Variants in COL4A4 observed in about 807,000 individuals in gnomAD.
The protein encoded by COL4A4 is collagen alpha-4(IV) chain.
COL4A4 carries 105 observed loss-of-function variants against 192.9 expected under a neutral mutation model. The observed-to-expected ratio is 0.54, with a 90% CI of 0.46 to 0.64. The LOEUF (loss-of-function observed/expected upper bound fraction) is 0.64. Ranked by LOEUF, COL4A4 falls within the 30% of genes least tolerant of loss-of-function variation. The pLI, the probability that COL4A4 is intolerant of heterozygous loss-of-function variation, is 0.00. For missense variants in COL4A4, 1,967 were observed against 2,169.3 expected (o/e 0.91, Z 1.85); for synonymous variants, 762 against 769.9 (o/e 0.99, Z 0.17).
At chr2:227,065,887 C>T (rs2058304035) in intron 25 of COL4A4, among the ~76,000 whole-genome samples, 1 of 152,220 alleles carries the variant, frequency 6.6e-6, no homozygotes, top group Non-Finnish European at 1.5e-5. Context: ...ATCACTTTGA[C>T]GAGCTGAGAG....
At chr2:227,062,488 C>A (rs761422144) in intron 26 of COL4A4, 42 bp downstream of exon 26, 105 of 1,169,838 alleles carry the variant, frequency 9.0e-5, no homozygotes, top group Non-Finnish European at 1.9e-5. Flanking sequence ...TTTTTTTTTA[C>A]TCTGGGAAGT....
At chr2:227,148,012 T>C (rs2063663651) in intron 1 of COL4A4, among the ~76,000 whole-genome samples, 1 of 152,138 alleles carries the variant, frequency 6.6e-6, no homozygotes, top group East Asian at 1.9e-4. Flanking sequence ...ACATACATTT[T>C]TGTATATTTG....
At chr2:227,052,204 G>T in intron 32 of COL4A4, 101 bp downstream of exon 32, 1 of 730,786 alleles carries the variant, frequency 1.4e-6, no homozygotes, top group Non-Finnish European at 2.4e-6. Flanking sequence ...AAAAAAAAAA[G>T]TCTTTTCTAA....
intron 17 of COL4A4, among the ~76,000 whole-genome samples, 200 bp downstream of exon 17, chr2:227,101,304 T>C (rs185780286): frequency 9.9e-4 from 151 of 152,308 alleles, no homozygotes; most frequent in African/African-American, 3.5e-3. Flanking sequence ...CTCTTTCTTT[T>C]GTAAATTGTC....
chr2:227,162,824 A>T (rs1280132332), intron 1 of COL4A4, among the ~76,000 whole-genome samples: 1 of 152,222 alleles, frequency 6.6e-6, no homozygotes, highest in Non-Finnish European at 1.5e-5. Flanking sequence ...CCTCCCAAAG[A>T]TTCTAATGCA....
chr2:226,981,080 G>C, the COL4A4 span, among the ~76,000 whole-genome samples: 5 of 152,266 alleles, frequency 3.3e-5, no homozygotes, highest in East Asian at 9.7e-4. Flanking sequence ...TGTAAGAGAT[G>C]TTAGGTTTCC....
chr2:226,988,298 T>TC, the COL4A4 span: 1 of 1,540,482 alleles, frequency 6.5e-7, no homozygotes, highest in Non-Finnish European at 8.8e-7. Context: ...CCCCTGTCCT[T>TC]CCCTTCCACT....
chr2:227,093,360 A>G (rs768230621), intron 20 of COL4A4, among the ~76,000 whole-genome samples: 2 of 152,224 alleles, frequency 1.3e-5, no homozygotes, highest in Non-Finnish European at 2.9e-5. Context: ...GTATACTTAA[A>G]TGATTAGCAG....
intron 25 of COL4A4, among the ~76,000 whole-genome samples, chr2:227,076,930 C>T (rs1463436563): frequency 1.3e-5 from 2 of 152,152 alleles, no homozygotes; most frequent in Admixed American, 6.5e-5. Context: ...AAATCAAAAC[C>T]ACAATGAGAT....
At chr2:226,974,068 C>T in the COL4A4 span, among the ~76,000 whole-genome samples, 19 of 152,172 alleles carry the variant, frequency 1.2e-4, no homozygotes, top group Non-Finnish European at 2.6e-4. Flanking sequence ...AGATGGCCGG[C>T]GTTTGTCTCA....
At chr2:226,995,505 A>C in the COL4A4 span, 1 of 1,610,946 alleles carries the variant, frequency 6.2e-7, no homozygotes, top group Non-Finnish European at 8.5e-7. Context: ...GCGGCTTCAC[A>C]GATTCGATAG....
intron 38 of COL4A4, among the ~76,000 whole-genome samples, chr2:227,032,583 T>C (rs753918293): frequency 2.6e-5 from 4 of 152,234 alleles, no homozygotes; most frequent in South Asian, 2.1e-4. Flanking sequence ...CAATAAGTAA[T>C]TATGCATAAG....
At chr2:227,014,217 A>G (rs965067099) in intron 44 of COL4A4, among the ~76,000 whole-genome samples, 1 of 152,114 alleles carries the variant, frequency 6.6e-6, no homozygotes, top group Non-Finnish European at 1.5e-5. Context: ...ACACGGTCCT[A>G]CTGCTCCTGA....
chr2:227,036,400 G>C (rs1015470550), intron 37 of COL4A4, among the ~76,000 whole-genome samples: 1 of 152,154 alleles, frequency 6.6e-6, no homozygotes, highest in African/African-American at 2.4e-5. Context: ...ACGTGTCCCT[G>C]TTTGCCTGCG....
In COL4A4 at chr2:227,010,393, G is replaced by A. The variant is rs1433385826; in HGVS notation, c.4442C>T (p.Pro1481Leu). 28 of 1,613,998 alleles carry A rather than the reference G, an allele frequency of 1.7e-5. No individual in the cohort carries two copies. Among genetic ancestry groups the A allele is most frequent in the Non-Finnish European group, 2.2e-5 (26 of 1,179,968 alleles). ...HSQTDQEPTC[P>L]LGMPRLWTGY... ...AGTCCAGAGCCTGGGCATGCCCAGG[G>A]GGCAGGTGGGCTCCTGGTCCGTCTG... The change falls in exon 46 of 48, where the codon CCC (proline) becomes CTC (leucine). Residue 1481 changes from proline (P) to leucine (L), a missense_variant. Pro to Leu is a moderately conservative substitution (Grantham distance 98). Transcript: ENST00000396625.
At chr2:227,052,219 A>T in intron 32 of COL4A4, 86 bp downstream of exon 32, 1 of 823,958 alleles carries the variant, frequency 1.2e-6, no homozygotes, top group Admixed American at 1.9e-5. Flanking sequence ...TTCTAATCTC[A>T]GTGTTATTGG....
intron 2 of COL4A4, among the ~76,000 whole-genome samples, chr2:227,144,856 G>A (rs898937773): frequency 3.9e-5 from 6 of 152,152 alleles, no homozygotes; most frequent in African/African-American, 1.4e-4. Flanking sequence ...ATGAGTGAAA[G>A]AAGATGATTC....
downstream of COL4A4, among the ~76,000 whole-genome samples, chr2:227,000,085 C>T (rs1397830543): frequency 6.6e-6 from 1 of 152,216 alleles, no homozygotes; most frequent in African/African-American, 2.4e-5. Flanking sequence ...ACAAGATCCT[C>T]TCCCTCAACA....
At position 227,030,489 on chromosome 2, in the gene COL4A4, T is replaced by C; in HGVS notation, c.3927A>G (p.Pro1309=). ...CACATCCTGGAAAGCCTTTGTATCC[T>C]GGAGGGCCTGGTGGGCCAGGGGGAC... ...PPGPPGPPGP[P]GYKGFPGCDG... The change falls in exon 41 of 48, where the codon CCA becomes CCG. Residue 1309 remains proline, a synonymous_variant. Coordinates refer to ENST00000396625, the MANE Select transcript of COL4A4 (RefSeq NM_000092.5). 1 of 1,614,206 alleles carries C rather than the reference T, an allele frequency of 6.2e-7. No homozygotes were observed. Among genetic ancestry groups the C allele is most frequent in the Non-Finnish European group, 8.5e-7 (1 of 1,180,034 alleles).
Sources: gnomAD v4.1 joint callset for allele counts (sites outside exome capture counted in the v4.1 genomes callset) on GRCh38, gnomAD v4.1.1 for gene constraint, MANE v1.5 for transcripts, NCBI Gene and HGNC (gene_info 2026-07-23, HGNC 2026-07-21) for gene names.